Variants in ATE1 observed in about 807,000 individuals in gnomAD.
ATE1 encodes the protein arginyl-tRNA--protein transferase 1.
Under a neutral mutation model 70.5 loss-of-function variants are expected in ATE1, and 36 were observed. The observed-to-expected ratio is 0.51, with a 90% confidence interval of 0.39 to 0.67. The LOEUF is 0.67. ATE1 is among the 30% of genes least tolerant of loss of function. The pLI, the probability that ATE1 is intolerant of heterozygous loss-of-function variation, is 0.00. For synonymous variants in ATE1, 232 were observed against 219.3 expected, an observed-to-expected ratio of 1.06 and a Z score of -0.51; for missense variants, 593 against 629.5, an observed-to-expected ratio of 0.94 and a Z score of 0.62.
chr10:121,867,439 T>C (rs1949701029), intron 8 of ATE1, among the ~76,000 whole-genome samples: 1 of 152,184 alleles, frequency 6.6e-6, no homozygotes, highest in Non-Finnish European at 1.5e-5. Context: ...CTCTAATCTT[T>C]TGCTAAAATG....
chr10:121,873,872 C>T (rs1010189136), intron 7 of ATE1, among the ~76,000 whole-genome samples: 19 of 151,968 alleles, frequency 1.3e-4, no homozygotes, highest in African/African-American at 4.3e-4. Context: ...GCATTTTTTA[C>T]AAAGATAAAT....
At chr10:121,788,957 G>A (rs2173241) in intron 11 of ATE1, among the ~76,000 whole-genome samples, 142,354 of 152,270 alleles carry the variant, frequency 0.93, 66,881 homozygotes, top group Non-Finnish European at 0.98. Context: ...TTTGAACTGT[G>A]AGTGGTACTT....
At chr10:121,875,169 A>G (rs1417093304) in intron 7 of ATE1, among the ~76,000 whole-genome samples, 2 of 150,040 alleles carry the variant, frequency 1.3e-5, no homozygotes, top group Non-Finnish European at 3.0e-5. Flanking sequence ...GACAACAAAA[A>G]TCTTATTTAC....
chr10:121,741,092 C>T lies in ATE1; in HGVS notation c.*2588G>A, dbSNP rs1944133769. ...CACTAAGATTGCAAATGCAAAGCTTCCTGCCTTGGAAAGATATAAACTGTC... is the reference window on the plus strand; with the variant it reads ...CACTAAGATTGCAAATGCAAAGCTTTCTGCCTTGGAAAGATATAAACTGTC... On this transcript the variant is annotated 3_prime_UTR_variant, in exon 12 of 12. Transcript: ENST00000224652. 2 of 152,178 alleles carry T rather than the reference C, an allele frequency of 1.3e-5. No individual in the cohort carries two copies. The highest frequency in any genetic ancestry group is 1.5e-5 in the Non-Finnish European group (1 of 68,032). 9.4% of individuals were successfully genotyped at this position (152,178 alleles called of 1,614,324 possible).
At chr10:121,894,326 C>G (rs1233480254) in intron 7 of ATE1, among the ~76,000 whole-genome samples, 1 of 151,956 alleles carries the variant, frequency 6.6e-6, no homozygotes, top group Non-Finnish European at 1.5e-5. Context: ...AAACAAAAAC[C>G]CAGGTCAATT....
intron 5 of ATE1, among the ~76,000 whole-genome samples, chr10:121,910,102 C>A (rs1951360392): frequency 6.6e-6 from 1 of 152,042 alleles, no homozygotes; most frequent in South Asian, 2.1e-4. Context: ...AAATCTCAGA[C>A]CAAAATCAAC....
At chr10:121,921,796 A>T (rs913386199) in intron 3 of ATE1, among the ~76,000 whole-genome samples, 1 of 152,164 alleles carries the variant, frequency 6.6e-6, no homozygotes, top group Non-Finnish European at 1.5e-5. Flanking sequence ...TGAACTGTGT[A>T]TAAAAGTCTT....
chr10:121,753,360 T>C (rs144798819), intron 11 of ATE1, among the ~76,000 whole-genome samples: 38 of 152,314 alleles, frequency 2.5e-4, no homozygotes, highest in African/African-American at 8.2e-4. Context: ...AAAAAATCTA[T>C]GCAATTTAGT....
intron 8 of ATE1, among the ~76,000 whole-genome samples, chr10:121,851,412 C>T (rs774245800): frequency 6.6e-6 from 1 of 152,142 alleles, no homozygotes; most frequent in African/African-American, 2.4e-5. Context: ...AGAGCAAGAC[C>T]CTGTTTCAAA....
chr10:121,751,652 G>A (rs960693833), intron 11 of ATE1, among the ~76,000 whole-genome samples: 3 of 151,922 alleles, frequency 2.0e-5, no homozygotes, highest in African/African-American at 7.3e-5. Flanking sequence ...ATTGTTAATT[G>A]GGTTGTCTTT....
intron 11 of ATE1, among the ~76,000 whole-genome samples, chr10:121,751,586 G>A (rs1206337633): frequency 6.6e-6 from 1 of 152,116 alleles, no homozygotes; most frequent in Non-Finnish European, 1.5e-5. Flanking sequence ...ATCTTTTCAT[G>A]TGCTTATTGC....
intron 8 of ATE1, among the ~76,000 whole-genome samples, chr10:121,858,329 C>T (rs968043218): frequency 6.6e-6 from 1 of 152,062 alleles, no homozygotes; most frequent in Non-Finnish European, 1.5e-5. Context: ...ACAACCATGC[C>T]AACAGTTACC....
chr10:121,782,861 C>T (rs927168859), intron 11 of ATE1, among the ~76,000 whole-genome samples: 1 of 152,146 alleles, frequency 6.6e-6, no homozygotes, highest in South Asian at 2.1e-4. Context: ...ATCTTCCTCC[C>T]GTACTGGATG....
intron 10 of ATE1, among the ~76,000 whole-genome samples, chr10:121,826,473 CG>C (rs1196465294): frequency 6.6e-6 from 1 of 152,010 alleles, no homozygotes; most frequent in Non-Finnish European, 1.5e-5. Flanking sequence ...ATCCACTAAA[CG>C]TTTTTGCATT....
chr10:121,895,503 A>T (rs1950745747), intron 7 of ATE1, among the ~76,000 whole-genome samples: 1 of 151,930 alleles, frequency 6.6e-6, no homozygotes, highest in Admixed American at 6.6e-5. Context: ...AATCCCAGCT[A>T]CTCGGGAGGC....
At chr10:121,802,772 G>A (rs1468155961) in intron 10 of ATE1, among the ~76,000 whole-genome samples, 1 of 152,040 alleles carries the variant, frequency 6.6e-6, no homozygotes, top group African/African-American at 2.4e-5. Flanking sequence ...AATGCCTACC[G>A]TCTTCCACGT....
At chr10:121,885,004 T>C (rs1270809251) in intron 7 of ATE1, among the ~76,000 whole-genome samples, 1 of 152,184 alleles carries the variant, frequency 6.6e-6, no homozygotes, top group Non-Finnish European at 1.5e-5. Context: ...CTCATGCCTG[T>C]AATCCCAGCA....
intron 11 of ATE1, among the ~76,000 whole-genome samples, chr10:121,747,138 G>A (rs1944404150): frequency 6.6e-6 from 1 of 152,180 alleles, no homozygotes; most frequent in Non-Finnish European, 1.5e-5. Context: ...GAACATCAAC[G>A]ATGCCAGCCA....
Position 121,834,242 on chromosome 10 carries a change from TC to T in ATE1, c.1257+2475del, listed in dbSNP as rs34599564. Among the ~76,000 whole-genome samples, 1,235 of 152,256 alleles carry T rather than the reference TC, an allele frequency of 8.1e-3. 20 individuals carry two copies. Among genetic ancestry groups the T allele is most frequent in the African/African-American group, 0.029 (1,185 of 41,552 alleles). On this transcript the variant is annotated intron_variant, in intron 10 of 11. Transcript: ENST00000224652. ...ATTAATGTCTACCACACAGCACTCA[TC>T]CCTATCTGACATCTGTCTTCTTGAT... is the stretch of plus-strand genomic sequence containing the variant.
Sources: gnomAD v4.1 joint callset for allele counts (sites outside exome capture counted in the v4.1 genomes callset) on GRCh38, gnomAD v4.1.1 for gene constraint, MANE v1.5 for transcripts, NCBI Gene and HGNC (gene_info 2026-07-23, HGNC 2026-07-21) for gene names.